Variants in FRRS1 observed in about 807,000 individuals in gnomAD.
FRRS1 encodes ferric chelate reductase 1.
Under a neutral mutation model 70.7 loss-of-function variants are expected in FRRS1, and 51 were observed. That is an observed-to-expected ratio of 0.72 (90% CI 0.58 to 0.91). The LOEUF (loss-of-function observed/expected upper bound fraction) is 0.91, where lower values mean the gene tolerates loss of function less well. FRRS1 is among the 40% of genes least tolerant of loss of function. The probability of loss-of-function intolerance (pLI) is 0.00; values close to 1 mark genes in which losing one functional copy is unlikely to be tolerated. For missense variants in FRRS1, 672 were observed against 726.0 expected (o/e 0.93, Z 0.86); for synonymous variants, 225 against 238.7 (o/e 0.94, Z 0.53).
In FRRS1 at chr1:99,717,447, G is replaced by A. The variant is rs1229198813; in HGVS notation, c.1199C>T (p.Ser400Leu). 3 of 1,613,880 alleles carry A rather than the reference G, an allele frequency of 1.9e-6. No individual in the cohort carries two copies. The highest frequency in any genetic ancestry group is 1.1e-5 in the South Asian group (1 of 91,048). ...TGCTTCACCAAGCAAGAAAGCTTTTGACCAAACTGGCTTGAAGAACCGGGC... is the reference window on the plus strand; with the variant it reads ...TGCTTCACCAAGCAAGAAAGCTTTTAACCAAACTGGCTTGAAGAACCGGGC... ...LVARFFKPVW[S>L]KAFLLGEAAW... The change falls in exon 11 of 17, where the codon TCA (serine) becomes TTA (leucine). Residue 400 changes from serine to leucine, a missense_variant. Physicochemically the swap from Ser to Leu is moderately radical, Grantham distance 145. Transcript: ENST00000646001.
chr1:99,733,332 A>ATG (rs1655490426), intron 7 of FRRS1, among the ~76,000 whole-genome samples: 1 of 152,224 alleles, frequency 6.6e-6, no homozygotes, highest in Admixed American at 6.5e-5. Flanking sequence ...TGAAAGAGGT[A>ATG]CGTCAAAGAT....
intron 1 of FRRS1, among the ~76,000 whole-genome samples, chr1:99,750,395 A>T (rs985094958): frequency 1.3e-4 from 20 of 152,336 alleles, no homozygotes; most frequent in Non-Finnish European, 2.5e-4. Context: ...GAAGAAATAG[A>T]GCAAGCCTCA....
chr1:99,747,442 A>G lies in FRRS1; in HGVS notation c.197-12T>C. 2 of 1,605,028 alleles carry G rather than the reference A, an allele frequency of 1.2e-6. No homozygotes were observed. The highest frequency in any genetic ancestry group is 1.7e-6 in the Non-Finnish European group (2 of 1,177,478). On this transcript the variant is annotated splice_polypyrimidine_tract_variant and intron_variant, in intron 3 of 16. Transcript: ENST00000646001. ...CCCTGACAAAGTAACTGAGAAAAAG[A>G]CAAAAGGGTTGGTTAAAAAGCTTAG...
At chr1:99,766,391 G>C (rs1298911574) in intron 1 of FRRS1, among the ~76,000 whole-genome samples, 1 of 152,126 alleles carries the variant, frequency 6.6e-6, no homozygotes, top group Admixed American at 6.6e-5. Context: ...AAGCTTGTTA[G>C]TCAAAGTCAC....
chr1:99,748,110 T>C (rs1656376548), intron 3 of FRRS1: 1 of 156,338 alleles, frequency 6.4e-6, no homozygotes, highest in South Asian at 2.0e-4. Flanking sequence ...TTTTTCTATA[T>C]ACTCTCTATG....
chr1:99,748,817 TA>T (rs761243218), intron 2 of FRRS1, 49 bp from the exon 3 acceptor site: 70 of 1,420,924 alleles, frequency 4.9e-5, no homozygotes, highest in Non-Finnish European at 6.1e-5. Context: ...AATTAAAATA[TA>T]AAAGCTTTTA....
rs555217411 is a variant in FRRS1 at position 99,706,909 on chromosome 1, A to G, written c.*2119T>C. ...TTTGTCACAAAAAAAAAAAAGAGAG[A>G]ATTTTTCTTTGTCAGATGTAGAATA... On this transcript the variant is annotated 3_prime_UTR_variant, in exon 17 of 17. Coordinates refer to ENST00000646001, the MANE Select transcript of FRRS1 (RefSeq NM_001361041.2). Among the ~76,000 whole-genome samples the G allele has an allele frequency of 6.6e-6, 1 of 152,120 alleles. No homozygotes were observed. Among genetic ancestry groups the G allele is most frequent in the Non-Finnish European group, 1.5e-5 (1 of 68,004 alleles).
chr1:99,718,326 G>GTCTTGTT (rs1423158682), intron 10 of FRRS1, among the ~76,000 whole-genome samples: 1 of 152,014 alleles, frequency 6.6e-6, no homozygotes, highest in Non-Finnish European at 1.5e-5. Flanking sequence ...AGTCTTGGGT[G>GTCTTGTT]TTTTGTTTTT....
At chr1:99,718,966 T>C (rs1654669606) in intron 10 of FRRS1, among the ~76,000 whole-genome samples, 1 of 152,092 alleles carries the variant, frequency 6.6e-6, no homozygotes, top group Non-Finnish European at 1.5e-5. Context: ...CCACTGGTGA[T>C]TTTAGTGTGT....
chr1:99,760,258 T>C (rs2640915), intron 1 of FRRS1, among the ~76,000 whole-genome samples: 4,142 of 152,336 alleles, frequency 0.027, 195 homozygotes, highest in African/African-American at 0.095. Flanking sequence ...TGAACACTAT[T>C]GGGCTTAGAT....
At chr1:99,737,678 T>C (rs1286260500) in intron 7 of FRRS1, among the ~76,000 whole-genome samples, 1 of 152,238 alleles carries the variant, frequency 6.6e-6, no homozygotes, top group Non-Finnish European at 1.5e-5. Context: ...TAGCTTCTCC[T>C]GGATGATCAT....
intron 4 of FRRS1, among the ~76,000 whole-genome samples, chr1:99,746,103 A>C (rs1278883715): frequency 2.0e-5 from 3 of 152,200 alleles, no homozygotes. Context: ...TTTTAGCAAC[A>C]CAGGAACAGC....
chr1:99,715,213 G>A (rs1366428502), intron 12 of FRRS1, among the ~76,000 whole-genome samples: 1 of 152,092 alleles, frequency 6.6e-6, no homozygotes, highest in Non-Finnish European at 1.5e-5. Flanking sequence ...GTACTGAGTA[G>A]AAATCCAAAT....
chr1:99,711,425 A>T (rs1010610989), intron 14 of FRRS1: 1 of 153,638 alleles, frequency 6.5e-6, no homozygotes, highest in Non-Finnish European at 1.4e-5. Flanking sequence ...AATCACTTCC[A>T]GCAGCATCCA....
At chr1:99,744,569 C>T (rs1384868485) in intron 4 of FRRS1, among the ~76,000 whole-genome samples, 5 of 151,934 alleles carry the variant, frequency 3.3e-5, no homozygotes, top group Non-Finnish European at 7.4e-5. Flanking sequence ...GGCGGATCAC[C>T]TGAGGTCGGG....
intron 7 of FRRS1, among the ~76,000 whole-genome samples, chr1:99,730,056 A>G (rs1014734648): frequency 6.6e-6 from 1 of 152,216 alleles, no homozygotes; most frequent in African/African-American, 2.4e-5. Flanking sequence ...TTTCATGTAT[A>G]TTCATCCAAA....
chr1:99,721,032 AT>A (rs1287934417), intron 9 of FRRS1, among the ~76,000 whole-genome samples: 15 of 152,220 alleles, frequency 9.9e-5, no homozygotes, highest in Non-Finnish European at 1.9e-4. Context: ...ATTAAAATCC[AT>A]TGAGTTTTTG....
At chr1:99,741,703 C>T (rs932655385) in intron 5 of FRRS1, among the ~76,000 whole-genome samples, 1 of 152,176 alleles carries the variant, frequency 6.6e-6, no homozygotes, top group Non-Finnish European at 1.5e-5. Flanking sequence ...TTTGTATTCT[C>T]ATGCTAATAC....
chr1:99,758,433 C>G (rs1418142217), intron 1 of FRRS1, among the ~76,000 whole-genome samples: 1 of 152,156 alleles, frequency 6.6e-6, no homozygotes, highest in Non-Finnish European at 1.5e-5. Context: ...GGCAGAGGAA[C>G]ATAAATTGTG....
Sources: allele counts gnomAD v4.1 joint callset (sites outside exome capture counted in the v4.1 genomes callset), GRCh38; gene constraint gnomAD v4.1.1; transcripts MANE v1.5; gene names NCBI Gene and HGNC (gene_info 2026-07-23, HGNC 2026-07-21).